Variants in DNM3 observed in about 807,000 individuals in gnomAD.
DNM3 encodes dynamin 3.
A neutral mutation model predicts 101.6 loss-of-function variants in DNM3; 47 were observed. That is an observed-to-expected ratio of 0.46 (90% CI 0.37 to 0.59). The LOEUF (loss-of-function observed/expected upper bound fraction) is 0.59, where lower values mean the gene tolerates loss of function less well. DNM3 is among the 20% of genes least tolerant of loss of function. DNM3 has a pLI of 0.00. For missense variants in DNM3, 849 were observed against 1,085.7 expected, an observed-to-expected ratio of 0.78 and a Z score of 3.06; for synonymous variants, 385 against 387.9, an observed-to-expected ratio of 0.99 and a Z score of 0.09.
At chr1:172,151,882 CTTTGTTTG>C (rs377176085) in intron 14 of DNM3, among the ~76,000 whole-genome samples, 9 of 151,894 alleles carry the variant, frequency 5.9e-5, no homozygotes, top group African/African-American at 1.9e-4. Context: ...TAAAAGGAGT[CTTTGTTTG>C]TTTGTTTGTT....
intron 15 of DNM3, among the ~76,000 whole-genome samples, chr1:172,275,699 A>G (rs975842858): frequency 3.9e-5 from 6 of 152,092 alleles, no homozygotes; most frequent in Admixed American, 1.3e-4. Context: ...AGTTCTGAGA[A>G]AGCACACTGT....
intron 1 of DNM3, among the ~76,000 whole-genome samples, chr1:171,856,974 G>C (rs2033672956): frequency 6.6e-6 from 1 of 152,194 alleles, no homozygotes; most frequent in Non-Finnish European, 1.5e-5. Flanking sequence ...GATAGATCGA[G>C]ATGAAGCCAG....
intron 14 of DNM3, among the ~76,000 whole-genome samples, chr1:172,175,268 C>T (rs1439781860): frequency 6.6e-6 from 1 of 151,734 alleles, no homozygotes; most frequent in Non-Finnish European, 1.5e-5. Flanking sequence ...TATTTGCAAA[C>T]AATAATCTTC....
chr1:172,136,421 G>C (rs2057231756), intron 14 of DNM3: 2 of 152,060 alleles, frequency 1.3e-5, no homozygotes, highest in African/African-American at 4.8e-5. Flanking sequence ...CACTCCCTGT[G>C]GTGGAAAAGG....
intron 4 of DNM3, among the ~76,000 whole-genome samples, chr1:171,997,361 T>A (rs1352643998): frequency 6.6e-6 from 1 of 152,066 alleles, no homozygotes; most frequent in African/African-American, 2.4e-5. Context: ...TGAAAGAAGG[T>A]CTTAGGTAGG....
intron 1 of DNM3, among the ~76,000 whole-genome samples, chr1:171,856,248 C>T (rs2033600999): frequency 6.6e-6 from 1 of 152,238 alleles, no homozygotes; most frequent in South Asian, 2.1e-4. Context: ...TGTTTTTGTA[C>T]CAGTACCATG....
chr1:172,091,742 C>T (rs114233360), intron 12 of DNM3, among the ~76,000 whole-genome samples: 1,931 of 152,178 alleles, frequency 0.013, 36 homozygotes, highest in African/African-American at 0.044. Flanking sequence ...ATGCAGTACA[C>T]GGTTTCGAGC....
At chr1:172,188,839 A>G (rs965964317) in intron 14 of DNM3, among the ~76,000 whole-genome samples, 19 of 151,928 alleles carry the variant, frequency 1.3e-4, no homozygotes, top group African/African-American at 4.1e-4. Context: ...GTTTATCTCT[A>G]TTTGGCATTG....
intron 3 of DNM3, 103 bp from the exon 4 acceptor site, chr1:171,988,842 C>G: frequency 9.7e-7 from 1 of 1,029,876 alleles, no homozygotes; most frequent in East Asian, 2.6e-5. Flanking sequence ...TGGAGTTGTT[C>G]AGATACACAA....
intron 13 of DNM3, among the ~76,000 whole-genome samples, chr1:172,120,177 A>G (rs989484283): frequency 6.6e-6 from 1 of 152,226 alleles, no homozygotes; most frequent in African/African-American, 2.4e-5. Context: ...CTCATGTTCT[A>G]CGTGGCTGGG....
rs55690470 is a variant in DNM3 at position 172,289,357 on chromosome 1, C to A, written c.1770-19371C>A. 1,102 of 168,178 alleles carry A rather than the reference C, an allele frequency of 6.6e-3. 8 individuals are homozygous for A. The highest frequency in any genetic ancestry group is 0.025 in the African/African-American group (1,044 of 41,800). The allele number at this position is 168,178 out of a possible 1,614,324, so 10.4% of individuals were successfully genotyped here. On this transcript the variant is annotated intron_variant, in intron 15 of 20. Transcript: ENST00000627582. ...TTTTATTATTTTGGTGTTATATTTC[C>A]TATATGTAACATCCATAATTGATAC...
At chr1:171,876,161 T>C (rs2125105946) in intron 1 of DNM3, among the ~76,000 whole-genome samples, 1 of 152,230 alleles carries the variant, frequency 6.6e-6, no homozygotes, top group Non-Finnish European at 1.5e-5. Flanking sequence ...GATGAAATGA[T>C]GGGATGTCTT....
In DNM3 at chr1:172,028,214, C is replaced by T. The variant is rs571879417; in HGVS notation, c.590-4188C>T. On this transcript the variant is annotated intron_variant, in intron 4 of 20. Transcript: ENST00000627582. ...GCAAAAGAATGGAAATCGTAACTAA[C>T]AGTCTCTCTGACCACAGTGCAATCA... 1.1e-4 allele frequency among the ~76,000 whole-genome samples: 17 copies of T among 152,328 alleles called. No individual in the cohort carries two copies. The South Asian group carries it at 3.5e-3, about 32-fold the overall frequency.
chr1:172,058,689 T>G (rs12037820), intron 10 of DNM3, among the ~76,000 whole-genome samples: 1 of 151,266 alleles, frequency 6.6e-6, no homozygotes, highest in East Asian at 2.0e-4. Context: ...GGGATGCATT[T>G]AAAGCAGTGT....
intron 17 of DNM3, among the ~76,000 whole-genome samples, chr1:172,365,839 G>T (rs1460695525): frequency 6.6e-6 from 1 of 151,918 alleles, no homozygotes; most frequent in Non-Finnish European, 1.5e-5. Flanking sequence ...TACGTGAGAA[G>T]TCATAATCTT....
intron 15 of DNM3, among the ~76,000 whole-genome samples, chr1:172,261,753 T>C (rs2062662756): frequency 6.6e-6 from 1 of 152,216 alleles, no homozygotes; most frequent in Non-Finnish European, 1.5e-5. Flanking sequence ...CCACAGACTT[T>C]CAGGTGGTGT....
At position 172,070,372 on chromosome 1, in the gene DNM3, G is replaced by A. The variant is rs771872700; in HGVS notation, c.1422+1467G>A. On this transcript the variant is annotated intron_variant, in intron 11 of 20. Coordinates refer to ENST00000627582, the MANE Select transcript of DNM3 (RefSeq NM_015569.5). ...AAACTTAAGTTCTTAAGAATCAGCTGTACTCCTGACCTTAAGTAAATAAGC... is the reference window on the plus strand; with the variant it reads ...AAACTTAAGTTCTTAAGAATCAGCTATACTCCTGACCTTAAGTAAATAAGC... 3.9e-5 allele frequency among the ~76,000 whole-genome samples: 6 copies of A among 152,238 alleles called. 1 individual carries two copies. Among genetic ancestry groups the A allele is most frequent in the African/African-American group, 7.2e-5 (3 of 41,534 alleles).
At position 172,186,911 on chromosome 1, in the gene DNM3, A is replaced by G. The variant is rs566279832; in HGVS notation, c.1659+55623A>G. ...GGATCATGGGTTGTGAACCCTAGCT[A>G]TGGAGGGTTTGTGTCTCTAAGCTCT... On this transcript the variant is annotated intron_variant, in intron 14 of 20. Transcript: ENST00000627582. Among the ~76,000 whole-genome samples, 5 of 152,080 alleles carry G rather than the reference A, an allele frequency of 3.3e-5. No individual in the cohort carries two copies. The East Asian group carries it at 5.8e-4, about 18-fold the overall frequency.
chr1:172,100,120 C>T (rs896198342), intron 13 of DNM3, among the ~76,000 whole-genome samples: 3 of 152,164 alleles, frequency 2.0e-5, no homozygotes, highest in African/African-American at 7.2e-5. Context: ...TTCTTAGTCT[C>T]AAGCTTATTA....
Sources: gnomAD v4.1 joint callset for allele counts (sites outside exome capture counted in the v4.1 genomes callset) on GRCh38, gnomAD v4.1.1 for gene constraint, MANE v1.5 for transcripts, NCBI Gene and HGNC (gene_info 2026-07-23, HGNC 2026-07-21) for gene names.